Variants in WWOX observed in about 807,000 individuals in gnomAD.
The protein encoded by WWOX is WW domain containing oxidoreductase.
WWOX carries 69 observed loss-of-function variants against 46.2 expected under a neutral mutation model. The ratio of observed to expected loss-of-function variants is 1.49; its 90% CI spans 1.23 to 1.82. The LOEUF is 1.82. WWOX is among the 40% of genes most tolerant of loss of function. The pLI is 0.00. For missense variants in WWOX, 919 were observed against 542.6 expected, an observed-to-expected ratio of 1.69 and a Z score of -6.89; for synonymous variants, 359 against 202.6, an observed-to-expected ratio of 1.77 and a Z score of -6.56.
At chr16:78,256,259 T>C (rs902246347) in intron 5 of WWOX, among the ~76,000 whole-genome samples, 4 of 151,164 alleles carry the variant, frequency 2.6e-5, no homozygotes, top group African/African-American at 4.9e-5. Context: ...TACCACACCA[T>C]GAGACTTCAT....
Position 78,213,069 on chromosome 16 carries a change from A to C in WWOX, c.516+48780A>C, listed in dbSNP as rs562653365. ...GAAGTTCGAGACCAGCCTGGCCAAT[A>C]TGGTGAAACTCCATGTCTACTAATA... On this transcript the variant is annotated intron_variant, in intron 5 of 8. Coordinates refer to ENST00000566780, the MANE Select transcript of WWOX (RefSeq NM_016373.4). 3.3e-5 allele frequency among the ~76,000 whole-genome samples: 5 copies of C among 152,014 alleles called. No homozygotes were observed. The East Asian group carries it at 9.7e-4, about 30-fold the overall frequency.
intron 8 of WWOX, among the ~76,000 whole-genome samples, chr16:78,675,591 A>T (rs1464963042): frequency 6.6e-6 from 1 of 152,184 alleles, no homozygotes; most frequent in East Asian, 1.9e-4. Context: ...AGCAGTGAAA[A>T]GACTCCCGCC....
chr16:78,117,235 G>T (rs1487367535), intron 4 of WWOX, among the ~76,000 whole-genome samples: 2 of 152,134 alleles, frequency 1.3e-5, no homozygotes, highest in Non-Finnish European at 2.9e-5. Flanking sequence ...GGTCCAGTTG[G>T]AGGTTGTGGC....
Position 78,420,491 on chromosome 16 carries a change from C to T in WWOX, c.606-4379C>T, listed in dbSNP as rs1366201367. Reference sequence around the variant, plus strand: ...CAACATGGATGAACCCTGCAAACATCATGCCAAGGGACAGAAGCCAGTCAC... The same window carrying T: ...CAACATGGATGAACCCTGCAAACATTATGCCAAGGGACAGAAGCCAGTCAC... On this transcript the variant is annotated intron_variant, in intron 6 of 8. Transcript: ENST00000566780. Among the ~76,000 whole-genome samples the T allele has an allele frequency of 2.6e-5, 4 of 152,094 alleles. No individual in the cohort carries two copies. In the East Asian group the frequency reaches 7.7e-4, roughly 29 times the overall value.
chr16:79,051,887 G>A (rs572545308), intron 8 of WWOX, among the ~76,000 whole-genome samples: 1 of 152,106 alleles, frequency 6.6e-6, no homozygotes. Context: ...ATTTGCCCTG[G>A]CATGCTTATA....
At chr16:78,158,395 T>G (rs549091741) in intron 4 of WWOX, among the ~76,000 whole-genome samples, 6 of 152,184 alleles carry the variant, frequency 3.9e-5, no homozygotes. Flanking sequence ...TTACAAAATA[T>G]GGTATTTTTT....
Position 78,766,655 on chromosome 16 carries a change from C to G in WWOX, c.1056+333903C>G, listed in dbSNP as rs115960634. The stretch of plus-strand genomic sequence containing the variant: ...TTAGCTCTCTCCAAAGTTTTTAAGA[C>G]AAGGAATTCAGTTAATCAAGTTTGT... On this transcript the variant is annotated intron_variant, in intron 8 of 8. Coordinates refer to ENST00000566780, the MANE Select transcript of WWOX (RefSeq NM_016373.4). Among the ~76,000 whole-genome samples, 1,309 of 152,256 alleles carry G rather than the reference C, an allele frequency of 8.6e-3. 21 individuals are homozygous for G. The highest frequency in any genetic ancestry group is 0.029 in the African/African-American group (1,218 of 41,552).
chr16:78,591,096 T>A (rs1947397728), intron 8 of WWOX, among the ~76,000 whole-genome samples: 1 of 152,230 alleles, frequency 6.6e-6, no homozygotes, highest in South Asian at 2.1e-4. Flanking sequence ...TGCCATGATG[T>A]GGTTCTGCTT....
chr16:78,224,751 T>G (rs976917969), intron 5 of WWOX, among the ~76,000 whole-genome samples: 1 of 152,240 alleles, frequency 6.6e-6, no homozygotes, highest in African/African-American at 2.4e-5. Context: ...AGGCTACTAT[T>G]TTCCAGTATC....
intron 8 of WWOX, among the ~76,000 whole-genome samples, chr16:79,060,664 C>T (rs570015008): frequency 1.4e-4 from 22 of 152,186 alleles, no homozygotes; most frequent in Non-Finnish European, 2.4e-4. Flanking sequence ...TTTTGTAAAC[C>T]CAATTACGAG....
At chr16:78,290,743 TA>T (rs1297906391) in intron 5 of WWOX, among the ~76,000 whole-genome samples, 2 of 152,210 alleles carry the variant, frequency 1.3e-5, no homozygotes, top group Non-Finnish European at 2.9e-5. Context: ...GGAAGTATGG[TA>T]AAAGGAATAG....
At chr16:79,209,720 G>C (rs1363344884) in intron 8 of WWOX, among the ~76,000 whole-genome samples, 3 of 152,186 alleles carry the variant, frequency 2.0e-5, no homozygotes, top group African/African-American at 7.2e-5. Context: ...GAGTTAGCTG[G>C]ATGAGCATCT....
At chr16:78,778,905 C>G (rs1046868036) in intron 8 of WWOX, among the ~76,000 whole-genome samples, 15 of 152,162 alleles carry the variant, frequency 9.9e-5, no homozygotes, top group African/African-American at 3.1e-4. Flanking sequence ...TAAGGTGGTG[C>G]TGGATAGGGA....
intron 8 of WWOX, chr16:78,757,098 G>C (rs988143580): frequency 1.4e-6 from 1 of 694,348 alleles, no homozygotes; most frequent in African/African-American, 1.8e-5. Flanking sequence ...ATCTTGACTG[G>C]AACTTTATTT....
At chr16:78,177,991 T>G (rs2035404483) in intron 5 of WWOX, among the ~76,000 whole-genome samples, 1 of 152,208 alleles carries the variant, frequency 6.6e-6, no homozygotes, top group South Asian at 2.1e-4. Context: ...TAACAAATTA[T>G]AAGAGAAAGC....
At chr16:78,828,314 G>A (rs1192144191) in intron 8 of WWOX, among the ~76,000 whole-genome samples, 1 of 152,090 alleles carries the variant, frequency 6.6e-6, no homozygotes, top group Non-Finnish European at 1.5e-5. Context: ...CCAGGGGCCA[G>A]GCAAAAACTG....
intron 8 of WWOX, among the ~76,000 whole-genome samples, chr16:79,045,780 CTTTTTTTTTTTTTTT>C (rs770463813): frequency 0.011 from 583 of 54,226 alleles, 70 homozygotes; most frequent in African/African-American, 0.028. Flanking sequence ...TTTTCTTTTC[CTTTTTTTTTTTTTTT>C]TTTTTTTTTT....
At chr16:78,994,369 G>A (rs928230521) in intron 8 of WWOX, 2 of 152,210 alleles carry the variant, frequency 1.3e-5, no homozygotes, top group Non-Finnish European at 2.9e-5. Context: ...AAAGAAAGAA[G>A]AAGGAGATAG....
chr16:78,600,860 A>C (rs780112502), intron 8 of WWOX, among the ~76,000 whole-genome samples: 4 of 152,108 alleles, frequency 2.6e-5, no homozygotes, highest in Non-Finnish European at 5.9e-5. Flanking sequence ...TCACGCCTAG[A>C]ATCCTCTGCC....
Sources: gnomAD v4.1 joint callset for allele counts (sites outside exome capture counted in the v4.1 genomes callset) on GRCh38, gnomAD v4.1.1 for gene constraint, MANE v1.5 for transcripts, NCBI Gene and HGNC (gene_info 2026-07-23, HGNC 2026-07-21) for gene names.